DNAAF1: variants seen among roughly 807,000 people sequenced by gnomAD.
DNAAF1 encodes dynein assembly factor 1, axonemal.
DNAAF1 carries 65 observed loss-of-function variants against 71.1 expected under a neutral mutation model. That is an observed-to-expected ratio of 0.91 (90% CI 0.75 to 1.12). DNAAF1 has a LOEUF of 1.12. DNAAF1 is among the 50% of genes most tolerant of loss of function. DNAAF1 has a pLI of 0.00. For missense variants in DNAAF1, 1,178 were observed against 899.8 expected (o/e 1.31, Z -3.96); for synonymous variants, 414 against 354.6 (o/e 1.17, Z -1.88).
chr16:84,149,849 A>ACC (rs200997262), intron 2 of DNAAF1, among the ~76,000 whole-genome samples: 2 of 150,170 alleles, frequency 1.3e-5, no homozygotes, highest in Non-Finnish European at 3.0e-5. Flanking sequence ...ACATGGTGAA[A>ACC]CCCCCCCTCT....
Position 84,150,463 on chromosome 16 carries a change from A to G in DNAAF1, c.352+121A>G, listed in dbSNP as rs1049156153. The G allele has an allele frequency of 5.1e-6, 4 of 787,306 alleles. No homozygotes were observed. The Admixed American group carries it at 6.3e-5, about 12-fold the overall frequency. The allele number at this position is 787,306 out of a possible 1,614,324, so 48.8% of individuals were successfully genotyped here. A position where few individuals can be genotyped will look rare whatever the true frequency, so the allele number is the denominator to read the frequency against. ...AATGTATCTAAGCAGGAAATTTCAAAGTTTAGTGGAGATTTATGGAAAAGG... is the reference window on the plus strand; with the variant it reads ...AATGTATCTAAGCAGGAAATTTCAAGGTTTAGTGGAGATTTATGGAAAAGG... On this transcript the variant is annotated intron_variant, in intron 3 of 11. Transcript: ENST00000378553.
intron 6 of DNAAF1, chr16:84,162,076 G>A (rs2087740471): frequency 6.6e-6 from 1 of 152,278 alleles, no homozygotes; most frequent in East Asian, 1.9e-4. Context: ...CTGGAACATG[G>A]TTTATTCTCC....
rs765574790 is a variant in DNAAF1 at position 84,154,626 on chromosome 16, C to G, written c.402C>G (p.Leu134=). ...NLEEYTGLRC[L]WLQSNGIQKI... ...AAGAGTACACAGGGCTGCGCTGTCT[C>G]TGGCTGCAGAGCAATGGAATACAGA... The change falls in exon 4 of 12, where the codon CTC becomes CTG. Residue 134 remains leucine, a synonymous_variant. Transcript: ENST00000378553. 1.9e-6 allele frequency: 3 copies of G among 1,614,176 alleles called. No homozygotes were observed. The South Asian group carries it at 3.3e-5, about 18-fold the overall frequency.
At chr16:84,148,710 T>C (rs1170288523) in intron 1 of DNAAF1, among the ~76,000 whole-genome samples, 1 of 149,742 alleles carries the variant, frequency 6.7e-6, no homozygotes, top group African/African-American at 2.5e-5. Context: ...GTGATCAACC[T>C]GCCTCAGCCC....
chr16:84,159,532 A>G, intron 5 of DNAAF1, 143 bp from the exon 6 acceptor site: 3 of 1,181,236 alleles, frequency 2.5e-6, no homozygotes, highest in Non-Finnish European at 2.4e-6. Flanking sequence ...GATTTCTCCC[A>G]TCAAGTCACC....
chr16:84,147,881 C>T (rs1367881133), intron 1 of DNAAF1, among the ~76,000 whole-genome samples: 3 of 152,088 alleles, frequency 2.0e-5, no homozygotes, highest in African/African-American at 7.2e-5. Flanking sequence ...GCCTGGCCAA[C>T]ATGGGGAAAC....
chr16:84,177,729 T>A lies in DNAAF1; in HGVS notation c.2066T>A (p.Val689Glu), dbSNP rs1367292225. 2 of 1,613,506 alleles carry A rather than the reference T, an allele frequency of 1.2e-6. No homozygotes were observed. The change falls in exon 12 of 12, where the codon GTG becomes GAG. Residue 689 changes from valine (V) to glutamate (E), a missense_variant and splice_region_variant. Val to Glu is a moderately radical substitution (Grantham distance 121, BLOSUM62 -2). Coordinates refer to ENST00000378553, the MANE Select transcript of DNAAF1 (RefSeq NM_178452.6). ...DSDFLAASSP[V>E]PTESAATPPE... ...GCACAGGTCACCCTTCCTTCCACAG[T>A]GCCGACTGAGAGCGCCGCCACACCC...
At chr16:84,159,090 A>T in intron 5 of DNAAF1, 5 of 992,218 alleles carry the variant, frequency 5.0e-6, no homozygotes, top group Non-Finnish European at 6.0e-6. Flanking sequence ...ACAGTATTTA[A>T]AGATGGGGGA....
chr16:84,162,181 A>AT (rs2087745719), intron 6 of DNAAF1: 2 of 152,308 alleles, frequency 1.3e-5, no homozygotes, highest in African/African-American at 4.8e-5. Context: ...TGTACCTTTG[A>AT]TTTTACAGCA....
intron 4 of DNAAF1, 22 bp from the exon 5 acceptor site, chr16:84,155,561 T>C (rs2087386616): frequency 6.2e-7 from 1 of 1,613,924 alleles, no homozygotes. Flanking sequence ...TGTTTTTGAC[T>C]TCTGCTGACC....
intron 8 of DNAAF1, among the ~76,000 whole-genome samples, chr16:84,171,181 A>C (rs1049882137): frequency 2.0e-5 from 3 of 152,060 alleles, no homozygotes; most frequent in African/African-American, 7.2e-5. Context: ...CACACATGTA[A>C]TCCCAGCACT....
chr16:84,165,070 A>G (rs2087902612), intron 6 of DNAAF1, among the ~76,000 whole-genome samples: 1 of 152,130 alleles, frequency 6.6e-6, no homozygotes, highest in African/African-American at 2.4e-5. Context: ...TTGGTGAGGT[A>G]CCCTGATCAT....
chr16:84,151,224 T>C (rs2151212543), intron 3 of DNAAF1, among the ~76,000 whole-genome samples: 1 of 152,290 alleles, frequency 6.6e-6, no homozygotes, highest in South Asian at 2.1e-4. Context: ...GAGAGTCTAC[T>C]GTGTGCCCAG....
At chr16:84,177,634 C>T in intron 11 of DNAAF1, 95 bp from the exon 12 acceptor site, 1 of 1,028,978 alleles carries the variant, frequency 9.7e-7, no homozygotes. Flanking sequence ...CAGTTGAGGA[C>T]ACTGAATTTG....
chr16:84,176,467 G>T, intron 11 of DNAAF1, 168 bp downstream of exon 11: 1 of 1,089,708 alleles, frequency 9.2e-7, no homozygotes, highest in Non-Finnish European at 1.3e-6. Flanking sequence ...GAGTTCACGG[G>T]TCTGAAGCTG....
intron 1 of DNAAF1, among the ~76,000 whole-genome samples, chr16:84,146,314 T>C (rs2086903947): frequency 6.6e-6 from 1 of 152,176 alleles, no homozygotes; most frequent in Non-Finnish European, 1.5e-5. Flanking sequence ...CTTGATTGAA[T>C]TTGGAGTCTA....
At chr16:84,170,393 C>T (rs185009326) in intron 8 of DNAAF1, 37 bp downstream of exon 8, 22 of 1,613,026 alleles carry the variant, frequency 1.4e-5, no homozygotes, top group Non-Finnish European at 1.7e-5. Context: ...GACACACACA[C>T]CTCTCAGGGA....
chr16:84,148,542 G>A (rs1249521494), intron 1 of DNAAF1, among the ~76,000 whole-genome samples: 1 of 141,084 alleles, frequency 7.1e-6, no homozygotes, highest in Non-Finnish European at 1.5e-5. Context: ...CATAGTCTTT[G>A]CCAATGCTTT....
chr16:84,173,061 CTGACCT>C, intron 9 of DNAAF1: 1 of 989,906 alleles, frequency 1.0e-6, no homozygotes, highest in Non-Finnish European at 1.2e-6. Context: ...CTGGGTACCT[CTGACCT>C]TATACCTTGG....
Sources: gnomAD v4.1 joint callset for allele counts (sites outside exome capture counted in the v4.1 genomes callset) on GRCh38, gnomAD v4.1.1 for gene constraint, MANE v1.5 for transcripts, NCBI Gene and HGNC (gene_info 2026-07-23, HGNC 2026-07-21) for gene names.